The following NUP107 variants were observed in gnomAD, a reference collection of about 807,000 sequenced individuals.
NUP107 encodes nuclear pore complex protein Nup107.
In NUP107, 101 loss-of-function variants were observed where a neutral mutation model predicts 141.0. The observed-to-expected ratio is 0.72, with a 90% CI of 0.61 to 0.84. The LOEUF (loss-of-function observed/expected upper bound fraction) is 0.84. NUP107 is among the 40% of genes least tolerant of loss of function. The pLI, the probability that NUP107 is intolerant of heterozygous loss-of-function variation, is 0.00. For synonymous variants in NUP107, 319 were observed against 363.9 expected (o/e 0.88, Z 1.41); for missense variants, 941 against 1,102.7 (o/e 0.85, Z 2.08).
chr12:68,740,750 G>A (rs1878288187), intron 26 of NUP107, among the ~76,000 whole-genome samples: 1 of 151,700 alleles, frequency 6.6e-6, no homozygotes, highest in Admixed American at 6.6e-5. Flanking sequence ...TTCAGAAATT[G>A]TAGTGTGTAA....
At chr12:68,696,309 G>A (rs1876050307) in intron 5 of NUP107, among the ~76,000 whole-genome samples, 1 of 151,986 alleles carries the variant, frequency 6.6e-6, no homozygotes, top group Admixed American at 6.6e-5. Flanking sequence ...AGGTTGCAGT[G>A]AGCTGAGATT....
intron 11 of NUP107, among the ~76,000 whole-genome samples, chr12:68,715,032 T>C (rs1877037488): frequency 6.6e-6 from 1 of 152,224 alleles, no homozygotes; most frequent in Non-Finnish European, 1.5e-5. Flanking sequence ...TCTTCTAGTG[T>C]TACCTGGGCT....
chr12:68,703,537 G>A (rs1011577756), intron 8 of NUP107, among the ~76,000 whole-genome samples: 9 of 151,314 alleles, frequency 5.9e-5, no homozygotes, highest in African/African-American at 7.3e-5. Context: ...TGCAACCTCC[G>A]CCTCCTGGGT....
At chr12:68,710,137 A>G (rs758183422) in intron 10 of NUP107, 44 bp downstream of exon 10, 1 of 964,568 alleles carries the variant, frequency 1.0e-6, no homozygotes, top group Admixed American at 1.8e-5. Flanking sequence ...CAATGTTGAT[A>G]TTGTTCATTC....
At chr12:68,693,731 A>G (rs1875923812) in intron 5 of NUP107, among the ~76,000 whole-genome samples, 1 of 152,208 alleles carries the variant, frequency 6.6e-6, no homozygotes, top group South Asian at 2.1e-4. Context: ...CTTGGTTCTC[A>G]GTCTGAGCAG....
At chr12:68,734,882 GTGT>G (rs1878000863) in intron 25 of NUP107, 49 bp downstream of exon 25, 1 of 1,575,950 alleles carries the variant, frequency 6.3e-7, no homozygotes, top group Non-Finnish European at 8.6e-7. Flanking sequence ...TTATAAATGT[GTGT>G]TGTATATTTA....
At chr12:68,720,527 A>G (rs1001988140) in intron 14 of NUP107, among the ~76,000 whole-genome samples, 1 of 152,216 alleles carries the variant, frequency 6.6e-6, no homozygotes, top group Admixed American at 6.5e-5. Context: ...GATAATGGAA[A>G]GGAAGGAAGA....
Position 68,702,775 on chromosome 12 carries a change from C to G in NUP107, c.720C>G (p.Phe240Leu), listed in dbSNP as rs778594241. ...IQSALEEESV[F>L]AVTAVNASEK... ...CTGCATTAGAAGAGGAAAGTGTATT[C>G]GCAGTTACTGTAAGTTTTATATTAA... The change falls in exon 8 of 28, where the codon TTC becomes TTG. Residue 240 changes from phenylalanine (F) to leucine (L), a missense_variant. Phe to Leu is a conservative substitution (Grantham distance 22). Transcript: ENST00000229179. The G allele has an allele frequency of 4.6e-6, 7 of 1,521,482 alleles. No individual in the cohort carries two copies. In the South Asian group the frequency reaches 5.1e-5, roughly 11 times the overall value. The allele number at this position is 1,521,482 out of a possible 1,614,324, so 94.2% of individuals were successfully genotyped here.
intron 12 of NUP107, among the ~76,000 whole-genome samples, chr12:68,716,184 A>G (rs900941870): frequency 3.4e-5 from 5 of 148,748 alleles, no homozygotes; most frequent in African/African-American, 9.9e-5. Flanking sequence ...GAGACACTGC[A>G]CCTGGCCCAA....
Position 68,706,877 on chromosome 12 carries a change from T to C in NUP107, c.730-2361T>C. 11 of 754,520 alleles carry C rather than the reference T, an allele frequency of 1.5e-5. No individual in the cohort carries two copies. The South Asian group carries it at 1.5e-4, about 10-fold the overall frequency. The allele number at this position is 754,520 out of a possible 1,614,324, so 46.7% of individuals were successfully genotyped here. On this transcript the variant is annotated intron_variant, in intron 8 of 27. Transcript: ENST00000229179. ...TATCCATACGAAGACCACCAGCGGC[T>C]ATTCAGGTGGTCTGAGCTCGGCCTA...
intron 26 of NUP107, among the ~76,000 whole-genome samples, chr12:68,738,450 CAAAAAAAAA>C (rs60283225): frequency 1.1e-5 from 1 of 89,612 alleles, no homozygotes; most frequent in African/African-American, 5.0e-5. Flanking sequence ...GACTCCGTCT[CAAAAAAAAA>C]AAAAAAAAAT....
At chr12:68,723,284 C>G (rs1244697304) in intron 17 of NUP107, among the ~76,000 whole-genome samples, 2 of 152,060 alleles carry the variant, frequency 1.3e-5, no homozygotes, top group South Asian at 2.1e-4. Flanking sequence ...GTGGGAGGAT[C>G]GTGGCTTCAG....
chr12:68,742,591 A>C lies in NUP107; in HGVS notation c.*129A>C, dbSNP rs1422595545. 5 of 481,022 alleles carry C rather than the reference A, an allele frequency of 1.0e-5. No individual in the cohort carries two copies. The highest frequency in any genetic ancestry group is 1.9e-5 in the Non-Finnish European group (5 of 269,622). The allele number at this position is 481,022 out of a possible 1,614,324, so 29.8% of individuals were successfully genotyped here. A position where few individuals can be genotyped will look rare whatever the true frequency, so the allele number is the denominator to read the frequency against. ...ACATTTGAATTTTGTACTTTTCAGA[A>C]TATTATCGTGACACTTTCAACATGT... On this transcript the variant is annotated 3_prime_UTR_variant, in exon 28 of 28. Coordinates refer to ENST00000229179, the MANE Select transcript of NUP107 (RefSeq NM_020401.4).
At chr12:68,693,112 C>G (rs1307077983) in intron 5 of NUP107, among the ~76,000 whole-genome samples, 1 of 150,598 alleles carries the variant, frequency 6.6e-6, no homozygotes, top group African/African-American at 2.4e-5. Context: ...GAGTCTCACT[C>G]TGTTGCCCAG....
At chr12:68,738,793 G>A (rs559284484) in intron 26 of NUP107, among the ~76,000 whole-genome samples, 3 of 152,160 alleles carry the variant, frequency 2.0e-5, no homozygotes, top group African/African-American at 7.2e-5. Context: ...ACTGTCTTCC[G>A]TGGCTTCTCA....
intron 8 of NUP107, chr12:68,706,787 A>G (rs1876603957): frequency 2.6e-6 from 2 of 758,856 alleles, no homozygotes; most frequent in South Asian, 1.4e-5. Flanking sequence ...CATCAAGATC[A>G]CCACTTAAAG....
At chr12:68,705,532 TAAAAAAAAA>T (rs34838748) in intron 8 of NUP107, 1 of 209,444 alleles carries the variant, frequency 4.8e-6, no homozygotes, top group South Asian at 5.5e-5. Flanking sequence ...AAGTATTCTT[TAAAAAAAAA>T]AAAAAAAAAA....
chr12:68,713,305 G>A (rs943034316), intron 10 of NUP107, among the ~76,000 whole-genome samples: 2 of 151,252 alleles, frequency 1.3e-5, no homozygotes, highest in African/African-American at 4.9e-5. Flanking sequence ...AGTCCGGGAG[G>A]TCGAGGCTGC....
chr12:68,741,925 A>G lies in NUP107; in HGVS notation c.2615A>G (p.Gln872Arg). 6.2e-7 allele frequency: 1 copy of G among 1,613,526 alleles called. No individual in the cohort carries two copies. The highest frequency in any genetic ancestry group is 8.5e-7 in the Non-Finnish European group (1 of 1,179,630). Reference sequence around the variant, plus strand: ...ATATTGCACAGTACTGGTCAGTATCAGGAATGCCTACAGTTAGCAGATATG... The same window carrying G: ...ATATTGCACAGTACTGGTCAGTATCGGGAATGCCTACAGTTAGCAGATATG... Reference protein sequence around the residue: ...HTILHSTGQYQECLQLADMVS... With the variant: ...HTILHSTGQYRECLQLADMVS... The change falls in exon 27 of 28, where the codon CAG becomes CGG. Residue 872 changes from glutamine to arginine, a missense_variant. By Grantham distance (43) the Gln-to-Arg change is conservative. Transcript: ENST00000229179.
Sources: gnomAD v4.1 joint callset for allele counts (sites outside exome capture counted in the v4.1 genomes callset) on GRCh38, gnomAD v4.1.1 for gene constraint, MANE v1.5 for transcripts, NCBI Gene and HGNC (gene_info 2026-07-23, HGNC 2026-07-21) for gene names.